The following CELF2 variants were observed in gnomAD, a reference collection of about 807,000 sequenced individuals.
The protein encoded by CELF2 is CUG triplet repeat RNA-binding protein 2.
CELF2 carries 8 observed loss-of-function variants against 62.6 expected under a neutral mutation model. The ratio of observed to expected loss-of-function variants is 0.13; its 90% CI spans 0.07 to 0.23. The LOEUF is 0.23. Ranked by LOEUF, CELF2 falls within the 10% of genes least tolerant of loss-of-function variation. CELF2 has a pLI of 1.00. For synonymous variants in CELF2, 258 were observed against 250.0 expected (o/e 1.03, Z -0.30); for missense variants, 333 against 671.0 (o/e 0.50, Z 5.56).
At chr10:11,068,263 A>C (rs1468093763) in intron 1 of CELF2, among the ~76,000 whole-genome samples, 1 of 152,216 alleles carries the variant, frequency 6.6e-6, no homozygotes, top group East Asian at 1.9e-4. Flanking sequence ...TCAAACCGCA[A>C]CTGTGTTAGT....
the CELF2 span, among the ~76,000 whole-genome samples, chr10:10,684,800 C>T: frequency 6.6e-6 from 1 of 152,104 alleles, no homozygotes; most frequent in Non-Finnish European, 1.5e-5. Flanking sequence ...CAGCTCCCAT[C>T]CCAAGAATAG....
At chr10:11,262,824 C>G (rs2081059493) in intron 5 of CELF2, among the ~76,000 whole-genome samples, 1 of 150,560 alleles carries the variant, frequency 6.6e-6, no homozygotes, top group Admixed American at 6.6e-5. Context: ...CTCCTTTGTC[C>G]TACACAAGTT....
chr10:11,298,343 A>G (rs951101972), intron 9 of CELF2, among the ~76,000 whole-genome samples: 17 of 152,198 alleles, frequency 1.1e-4, no homozygotes, highest in Admixed American at 7.8e-4. Flanking sequence ...ACAAATCTGA[A>G]TCAGGGCTGA....
At chr10:10,598,747 C>CTTTTTTTTTTTT in the CELF2 span, among the ~76,000 whole-genome samples, 1 of 73,164 alleles carries the variant, frequency 1.4e-5, no homozygotes, top group Non-Finnish European at 3.2e-5. Flanking sequence ...TTTTCTTTTT[C>CTTTTTTTTTTTT]TTTCTTTTTT....
intron 5 of CELF2, among the ~76,000 whole-genome samples, chr10:11,259,524 T>A (rs551139057): frequency 6.6e-6 from 1 of 152,184 alleles, no homozygotes; most frequent in Admixed American, 6.5e-5. Context: ...AAAGATGTAA[T>A]TCTCTAAAAG....
At position 11,252,534 on chromosome 10, in the gene CELF2, G is replaced by A. The variant is rs369899130; in HGVS notation, c.403+3333G>A. Among the ~76,000 whole-genome samples the A allele has an allele frequency of 9.8e-5, 15 of 152,330 alleles. No homozygotes were observed. The South Asian group carries it at 1.0e-3, about 11-fold the overall frequency. On this transcript the variant is annotated intron_variant, in intron 4 of 12. Coordinates refer to ENST00000633077, the MANE Select transcript of CELF2 (RefSeq NM_001326342.2). ...AAAGCAGTCACCCTTGGCAGCTTTC[G>A]TCCATCGAGCGATTCTGAGAGAGGG...
Position 11,311,069 on chromosome 10 carries a change from A to G in CELF2, c.977-3070A>G, listed in dbSNP as rs1181557796. Among the ~76,000 whole-genome samples, 2 of 152,182 alleles carry G rather than the reference A, an allele frequency of 1.3e-5. No individual in the cohort carries two copies. The highest frequency in any genetic ancestry group is 4.8e-5 in the African/African-American group (2 of 41,444). On this transcript the variant is annotated intron_variant, in intron 9 of 12. Coordinates refer to ENST00000633077, the MANE Select transcript of CELF2 (RefSeq NM_001326342.2). The surrounding 1 kb of genome is among the most constrained non-coding windows in gnomAD (Gnocchi z 4.7). ...CCAAGGCTCCTGTGCAGTATCTAAT[A>G]GGAGACCCTCCCCATACGAGCCTGA...
intron 1 of CELF2, among the ~76,000 whole-genome samples, chr10:10,900,439 A>G (rs2062856114): frequency 6.6e-6 from 1 of 152,248 alleles, no homozygotes; most frequent in Non-Finnish European, 1.5e-5. Context: ...TATCACATTA[A>G]TAAGCTAAAG....
the CELF2 span, among the ~76,000 whole-genome samples, chr10:10,752,688 C>CAAAAAAAAAAAAA: frequency 8.5e-5 from 5 of 58,936 alleles, no homozygotes; most frequent in African/African-American, 2.9e-4. Flanking sequence ...GACTCCGTCT[C>CAAAAAAAAAAAAA]AAAAAAAAAA....
the CELF2 span, among the ~76,000 whole-genome samples, chr10:10,745,882 C>T: frequency 9.2e-5 from 14 of 152,304 alleles, no homozygotes; most frequent in East Asian, 2.3e-3. Context: ...ATGCAATGTG[C>T]GGGCAAAACA....
chr10:10,463,984 T>G, the CELF2 span, among the ~76,000 whole-genome samples: 1 of 150,802 alleles, frequency 6.6e-6, no homozygotes, highest in South Asian at 2.1e-4. Flanking sequence ...CTCCTATGGA[T>G]TTTGAAGGTT....
the CELF2 span, among the ~76,000 whole-genome samples, chr10:10,688,727 G>A: frequency 6.6e-6 from 1 of 151,528 alleles, no homozygotes; most frequent in Admixed American, 6.6e-5. Context: ...TTTTTTTTTG[G>A]CTGGGCTCAG....
intron 1 of CELF2, among the ~76,000 whole-genome samples, chr10:10,891,777 T>A (rs1395619262): frequency 6.6e-6 from 1 of 152,206 alleles, no homozygotes; most frequent in Non-Finnish European, 1.5e-5. Flanking sequence ...TGGTCTCAGT[T>A]CTGTCACTTA....
the CELF2 span, among the ~76,000 whole-genome samples, chr10:10,720,929 T>C: frequency 6.6e-6 from 1 of 152,192 alleles, no homozygotes; most frequent in Non-Finnish European, 1.5e-5. Flanking sequence ...AAAATATGAA[T>C]GCAAATCCTA....
chr10:10,790,439 G>A, the CELF2 span, among the ~76,000 whole-genome samples: 1 of 152,062 alleles, frequency 6.6e-6, no homozygotes, highest in Non-Finnish European at 1.5e-5. Context: ...CATAGTTTCT[G>A]TTGCCTACAC....
chr10:11,035,690 A>G (rs1469005252), intron 1 of CELF2, among the ~76,000 whole-genome samples: 1 of 152,188 alleles, frequency 6.6e-6, no homozygotes, highest in Non-Finnish European at 1.5e-5. Flanking sequence ...GATTTTTGAA[A>G]TATGTGTGTT....
intron 1 of CELF2, among the ~76,000 whole-genome samples, chr10:11,107,407 A>G (rs2053801628): frequency 6.6e-6 from 1 of 152,128 alleles, no homozygotes; most frequent in East Asian, 1.9e-4. Flanking sequence ...TCATCCACCA[A>G]TAGCCACCTC....
At chr10:10,794,006 C>T (rs12243302), upstream of CELF2, among the ~76,000 whole-genome samples, 2,563 of 152,100 alleles carry the variant, frequency 0.017, 90 homozygotes, top group African/African-American at 0.058. Context: ...ATATCCCATG[C>T]AATGGTTAGG....
chr10:10,557,357 T>C, the CELF2 span, among the ~76,000 whole-genome samples: 1 of 151,752 alleles, frequency 6.6e-6, no homozygotes, highest in Non-Finnish European at 1.5e-5. Context: ...TATGTGGCGT[T>C]ATTTCTGAGG....
Sources: gnomAD v4.1 joint callset for allele counts (sites outside exome capture counted in the v4.1 genomes callset) on GRCh38, gnomAD v4.1.1 for gene constraint, Gnocchi (gnomAD v3.1) non-coding constraint, MANE v1.5 for transcripts, NCBI Gene and HGNC (gene_info 2026-07-23, HGNC 2026-07-21) for gene names.